PCDHGA2: variants seen among roughly 807,000 people sequenced by gnomAD.
The protein encoded by PCDHGA2 is protocadherin gamma subfamily A, 2, also known as protocadherin gamma-A2.
PCDHGA2 carries 40 observed loss-of-function variants against 59.2 expected under a neutral mutation model. That is an observed-to-expected ratio of 0.68 (90% CI 0.52 to 0.88). The LOEUF (loss-of-function observed/expected upper bound fraction) is 0.88. Among genes scored for constraint, PCDHGA2 ranks in the 40% least tolerant of loss-of-function variants. The probability of loss-of-function intolerance (pLI) is 0.00; values close to 1 mark genes in which losing one functional copy is unlikely to be tolerated. For synonymous variants in PCDHGA2, 560 were observed against 526.0 expected, an observed-to-expected ratio of 1.06 and a Z score of -0.89; for missense variants, 1,226 against 1,204.0, an observed-to-expected ratio of 1.02 and a Z score of -0.27.
At chr5:141,411,880 A>G (rs1030232942) in intron 1 of PCDHGA2, 2 of 152,240 alleles carry the variant, frequency 1.3e-5, no homozygotes, top group African/African-American at 4.8e-5. Flanking sequence ...GACATTTCTA[A>G]GAAATAAATG....
chr5:141,379,132 AG>A (rs1236158161), intron 1 of PCDHGA2: 1 of 152,236 alleles, frequency 6.6e-6, no homozygotes, highest in East Asian at 1.9e-4. Flanking sequence ...AAAATAAATG[AG>A]AACCTCCTTT....
chr5:141,404,133 T>C, intron 1 of PCDHGA2: 1 of 1,613,108 alleles, frequency 6.2e-7, no homozygotes, highest in Non-Finnish European at 8.5e-7. Flanking sequence ...TCTTTTACAT[T>C]AGAAAATTCA....
Position 141,340,268 on chromosome 5 carries a change from T to G in PCDHGA2, c.1297T>G (p.Ser433Ala). ...TAKDGGNPSL[S>A]TDAHILLQVA... ...TAAAGATGGAGGGAACCCCTCCCTG[T>G]CCACGGATGCTCACATTTTGCTCCA... Residue 433 changes from serine (S) to alanine (A), a missense_variant, in exon 1 of 4, where the codon TCC (serine) becomes GCC (alanine). Transcript: ENST00000394576. 6.2e-7 allele frequency: 1 copy of G among 1,614,172 alleles called. No individual in the cohort carries two copies. Among genetic ancestry groups the G allele is most frequent in the Non-Finnish European group, 8.5e-7 (1 of 1,180,020 alleles).
At chr5:141,381,889 G>T (rs1385598954) in intron 1 of PCDHGA2, among the ~76,000 whole-genome samples, 1 of 132,634 alleles carries the variant, frequency 7.5e-6, no homozygotes, top group Non-Finnish European at 1.5e-5. Context: ...GAGTGCAATG[G>T]TGTGATCTCG....
At position 141,339,943 on chromosome 5, in the gene PCDHGA2, T is replaced by A. The variant is rs1419934644; in HGVS notation, c.972T>A (p.Gly324=). The A allele has an allele frequency of 1.2e-6, 2 of 1,614,194 alleles. No individual in the cohort carries two copies. The highest frequency in any genetic ancestry group is 2.2e-5 in the South Asian group (2 of 91,084). ...AAATTGATATTGAAGCTCAGGATGGTCCGGGCCTTCTAACCAGAGCGAAGG... is the reference window on the plus strand; with the variant it reads ...AAATTGATATTGAAGCTCAGGATGGACCGGGCCTTCTAACCAGAGCGAAGG... The part of the protein sequence containing the change: ...FHEIDIEAQD[G]PGLLTRAKVI... The change falls in exon 1 of 4, where the codon GGT becomes GGA. Residue 324 remains glycine, a synonymous_variant. Coordinates refer to ENST00000394576, the MANE Select transcript of PCDHGA2 (RefSeq NM_018915.4).
intron 1 of PCDHGA2, chr5:141,395,285 T>A: frequency 6.5e-7 from 1 of 1,535,168 alleles, no homozygotes; most frequent in Non-Finnish European, 8.8e-7. Context: ...GAATTTTATT[T>A]GGCATAAATT....
intron 1 of PCDHGA2, chr5:141,419,559 T>C: frequency 6.2e-7 from 1 of 1,611,930 alleles, no homozygotes. Context: ...TACCCTGCGC[T>C]GGGTCCCGAC....
Position 141,476,990 on chromosome 5 carries a change from C to T in PCDHGA2, c.2425-17817C>T, listed in dbSNP as rs2099402882. ...CGGCAGCCACAACCGCGCCGGCGTGCGGCAACTATTCGCCTTAGACCTTGT... is the reference window on the plus strand; with the variant it reads ...CGGCAGCCACAACCGCGCCGGCGTGTGGCAACTATTCGCCTTAGACCTTGT... On this transcript the variant is annotated intron_variant, in intron 1 of 3. Coordinates refer to ENST00000394576, the MANE Select transcript of PCDHGA2 (RefSeq NM_018915.4). The surrounding 1 kb of genome is among the most constrained non-coding windows in gnomAD (Gnocchi z 7.6). 6.2e-7 allele frequency: 1 copy of T among 1,614,220 alleles called. No individual in the cohort carries two copies. The highest frequency in any genetic ancestry group is 8.5e-7 in the Non-Finnish European group (1 of 1,180,046).
rs544860780 is a variant in PCDHGA2 at position 141,406,543 on chromosome 5, C to G, written c.2424+65148C>G. On this transcript the variant is annotated intron_variant, in intron 1 of 3. Transcript: ENST00000394576. ...AGATATTTTCTGACGAAGATTCAAA[C>G]TTCAGTTATCCACTTCCAAACCCTA... is the stretch of plus-strand genomic sequence containing the variant. Among the ~76,000 whole-genome samples, 16 of 152,288 alleles carry G rather than the reference C, an allele frequency of 1.1e-4. 1 individual carries two copies. The South Asian group carries it at 2.9e-3, about 28-fold the overall frequency.
chr5:141,413,461 C>G (rs1294898087), intron 1 of PCDHGA2: 11 of 1,614,082 alleles, frequency 6.8e-6, no homozygotes, highest in Non-Finnish European at 7.6e-6. Flanking sequence ...CAGGATAGAC[C>G]GGGAGGAGCT....
intron 1 of PCDHGA2, chr5:141,403,591 G>A (rs1377998886): frequency 2.5e-6 from 4 of 1,613,836 alleles, no homozygotes; most frequent in East Asian, 2.2e-5. Context: ...TGGTCCTCAC[G>A]GCCTCGGATG....
In PCDHGA2 at chr5:141,476,868, C is replaced by G. The variant is rs1213404395; in HGVS notation, c.2425-17939C>G. On this transcript the variant is annotated intron_variant, in intron 1 of 3. Transcript: ENST00000394576. This position sits in a 1 kb window ranked among gnomAD's most constrained non-coding sequence, Gnocchi z 7.6. Reference sequence around the variant, plus strand: ...GTCTTCAACCAGTCCTTGTACCGGGCGCGCGTCCTGGAGGATGCACCCTCC... The same window carrying G: ...GTCTTCAACCAGTCCTTGTACCGGGGGCGCGTCCTGGAGGATGCACCCTCC... 2.5e-6 allele frequency: 4 copies of G among 1,613,874 alleles called. No homozygotes were observed. Among genetic ancestry groups the G allele is most frequent in the Non-Finnish European group, 3.4e-6 (4 of 1,180,050 alleles).
chr5:141,367,991 T>C (rs941036288), intron 1 of PCDHGA2, among the ~76,000 whole-genome samples: 16 of 152,230 alleles, frequency 1.1e-4, no homozygotes, highest in Admixed American at 1.0e-3. Context: ...TTAATAGATT[T>C]GTCTTAATGA....
intron 1 of PCDHGA2, chr5:141,422,560 G>T (rs2096656228): frequency 6.2e-7 from 1 of 1,614,032 alleles, no homozygotes; most frequent in East Asian, 2.2e-5. Context: ...GAATGTGGCA[G>T]ATGACAACGA....
At chr5:141,479,048 C>A (rs1253895615) in intron 1 of PCDHGA2, among the ~76,000 whole-genome samples, 1 of 152,150 alleles carries the variant, frequency 6.6e-6, no homozygotes, top group Admixed American at 6.5e-5. Flanking sequence ...GTACCTCATT[C>A]TCAGATAATT....
chr5:141,409,828 C>CG (rs2095322406), intron 1 of PCDHGA2: 1 of 1,611,010 alleles, frequency 6.2e-7, no homozygotes, highest in African/African-American at 1.3e-5. Flanking sequence ...CGCCCACGCT[C>CG]AGCGCCAACG....
At chr5:141,461,602 A>G (rs971808608) in intron 1 of PCDHGA2, among the ~76,000 whole-genome samples, 2 of 152,172 alleles carry the variant, frequency 1.3e-5, no homozygotes, top group African/African-American at 4.8e-5. Flanking sequence ...ATTATAATTT[A>G]GTTCAAAGTA....
chr5:141,397,986 C>G, intron 1 of PCDHGA2: 2 of 1,316,082 alleles, frequency 1.5e-6, no homozygotes, highest in Non-Finnish European at 2.1e-6. Flanking sequence ...GCCTTTACAC[C>G]GCTTCCTCCT....
rs548016343 is a variant in PCDHGA2, at chr5:141,369,768, A to G, written c.2424+28373A>G. Among the ~76,000 whole-genome samples the G allele has an allele frequency of 7.2e-5, 11 of 152,370 alleles. No individual in the cohort carries two copies. The East Asian group carries it at 1.9e-3, about 27-fold the overall frequency. ...TGCAATAAGAATACACGTGAAGCTG[A>G]TATTTCAAGCCTCTTTATACTACGT... is the stretch of plus-strand genomic sequence containing the variant. On this transcript the variant is annotated intron_variant, in intron 1 of 3. Coordinates refer to ENST00000394576, the MANE Select transcript of PCDHGA2 (RefSeq NM_018915.4).
Sources: allele counts gnomAD v4.1 joint callset (sites outside exome capture counted in the v4.1 genomes callset), GRCh38; gene constraint gnomAD v4.1.1; non-coding constraint Gnocchi (gnomAD v3.1); transcripts MANE v1.5; gene names NCBI Gene and HGNC (gene_info 2026-07-23, HGNC 2026-07-21).